Variants in GCFC2 observed in about 807,000 individuals in gnomAD.
The protein encoded by GCFC2 is intron Large complex component GCFC2.
In GCFC2, 102 loss-of-function variants were observed where a neutral mutation model predicts 99.4. The ratio of observed to expected loss-of-function variants is 1.03; its 90% CI spans 0.87 to 1.21. GCFC2 has a LOEUF of 1.21. GCFC2 is among the 50% of genes most tolerant of loss of function. The pLI, the probability that GCFC2 is intolerant of heterozygous loss-of-function variation, is 0.00. For synonymous variants in GCFC2, 338 were observed against 316.8 expected, an observed-to-expected ratio of 1.07 and a Z score of -0.71; for missense variants, 973 against 920.9, an observed-to-expected ratio of 1.06 and a Z score of -0.73.
At chr2:75,696,392 C>G (rs1461858993) in intron 4 of GCFC2, 77 bp from the exon 5 acceptor site, 3 of 678,822 alleles carry the variant, frequency 4.4e-6, no homozygotes, top group Non-Finnish European at 8.0e-6. Flanking sequence ...TGTAAAGGGA[C>G]TGGATGATCC....
chr2:75,711,244 T>TAAAAG, upstream of GCFC2: 1 of 984,342 alleles, frequency 1.0e-6, no homozygotes, highest in Non-Finnish European at 1.2e-6. Flanking sequence ...CGTTGTCTTT[T>TAAAAG]ACTTTCTGGA....
At chr2:75,677,442 G>GATT (rs1332505272) in intron 12 of GCFC2, among the ~76,000 whole-genome samples, 1 of 152,154 alleles carries the variant, frequency 6.6e-6, no homozygotes, top group East Asian at 1.9e-4. Context: ...CCATCCCTAG[G>GATT]GAATACCTGA....
chr2:75,712,577 G>C (rs974929798), upstream of GCFC2, among the ~76,000 whole-genome samples: 2 of 152,106 alleles, frequency 1.3e-5, no homozygotes, highest in African/African-American at 4.8e-5. Context: ...AACCCGCTCC[G>C]GTCCCCTTCC....
chr2:75,681,015 G>T lies in GCFC2; in HGVS notation c.1691-701C>A, dbSNP rs537334530. Reference sequence around the variant, plus strand: ...GCCTTTTGGCTTAGTCTAAGATCCTGTTCCCAGAACACTGTCCTTCCACTT... The same window carrying T: ...GCCTTTTGGCTTAGTCTAAGATCCTTTTCCCAGAACACTGTCCTTCCACTT... On this transcript the variant is annotated intron_variant, in intron 11 of 16. Transcript: ENST00000321027. Among the ~76,000 whole-genome samples the T allele has an allele frequency of 9.5e-4, 145 of 152,296 alleles. 1 individual carries two copies. The South Asian group carries it at 0.03, about 31-fold the overall frequency.
chr2:75,690,700 T>A lies in GCFC2; in HGVS notation c.1164A>T (p.Thr388=). 1 of 1,550,874 alleles carries A rather than the reference T, an allele frequency of 6.4e-7. No homozygotes were observed. The highest frequency in any genetic ancestry group is 8.9e-7 in the Non-Finnish European group (1 of 1,128,704). Residue 388 remains threonine, a synonymous_variant, in exon 8 of 17, where the codon ACA becomes ACT. Coordinates refer to ENST00000321027, the MANE Select transcript of GCFC2 (RefSeq NM_003203.5). ...QQLSRKDETS[T]SGNFSVDEKT... is the part of the protein sequence containing the mutation. ...TTTCATCTACTGAGAAGTTTCCACT[T>A]GTGGATGTCTCATCTTTGCCTGTTA...
upstream of GCFC2, among the ~76,000 whole-genome samples, chr2:75,712,481 A>G (rs1257965897): frequency 6.6e-6 from 1 of 152,162 alleles, no homozygotes; most frequent in Non-Finnish European, 1.5e-5. Flanking sequence ...GCCCTGTCAA[A>G]ACAGGCCGCT....
chr2:75,665,375 A>C (rs1266571537), intron 16 of GCFC2, among the ~76,000 whole-genome samples: 10 of 152,120 alleles, frequency 6.6e-5, no homozygotes. Flanking sequence ...GCTGTTCTCA[A>C]ACTCCTGGGC....
intron 5 of GCFC2, 129 bp downstream of exon 5, chr2:75,696,071 C>A (rs1680307532): frequency 2.0e-6 from 1 of 497,194 alleles, no homozygotes; most frequent in Non-Finnish European, 3.7e-6. Flanking sequence ...TATGATAACA[C>A]AGGAGATCCT....
At chr2:75,684,942 C>T (rs1055257303) in intron 11 of GCFC2, among the ~76,000 whole-genome samples, 1 of 152,156 alleles carries the variant, frequency 6.6e-6, no homozygotes, top group Non-Finnish European at 1.5e-5. Context: ...AACCATCATT[C>T]TCAGCAAACT....
At chr2:75,699,747 A>G (rs542927189) in intron 4 of GCFC2, among the ~76,000 whole-genome samples, 2 of 149,770 alleles carry the variant, frequency 1.3e-5, no homozygotes, top group Non-Finnish European at 3.0e-5. Context: ...GGCTAGTTTT[A>G]TTTGTTTTTA....
rs780460875 is a variant in GCFC2, at chr2:75,680,243, T to A, written c.1762A>T (p.Ile588Phe). ...TTSLITHCRVILEEHSTCENE... is the reference protein window; with the variant it reads ...TTSLITHCRVFLEEHSTCENE... ...TCACAAGTGGAATGTTCTTCAAGAA[T>A]CACTCTGCAATGTGTTATTAAACTT... Residue 588 changes from isoleucine (I) to phenylalanine (F), a missense_variant, in exon 12 of 17, where the codon ATT (isoleucine) becomes TTT (phenylalanine). By Grantham distance (21) the Ile-to-Phe change is conservative (BLOSUM62 0). Transcript: ENST00000321027. 1.2e-6 allele frequency: 2 copies of A among 1,604,664 alleles called. No individual in the cohort carries two copies. The highest frequency in any genetic ancestry group is 2.7e-5 in the African/African-American group (2 of 74,656).
chr2:75,713,080 G>T (rs1214299126), upstream of GCFC2, among the ~76,000 whole-genome samples: 4 of 152,108 alleles, frequency 2.6e-5, no homozygotes, highest in South Asian at 8.3e-4. Flanking sequence ...TCTTGGCTTT[G>T]TCTTTTTTTC....
At chr2:75,680,351 C>G in intron 11 of GCFC2, 37 bp from the exon 12 acceptor site, 1 of 1,557,486 alleles carries the variant, frequency 6.4e-7, no homozygotes, top group Non-Finnish European at 8.8e-7. Context: ...AATGTATTTA[C>G]TAGATTGTTT....
Position 75,666,025 on chromosome 2 carries a change from A to G in GCFC2, c.2132T>C (p.Phe711Ser), listed in dbSNP as rs756136177. The change falls in exon 16 of 17, where the codon TTT (phenylalanine) becomes TCT (serine). Residue 711 changes from phenylalanine to serine, a missense_variant. Physicochemically the swap from Phe to Ser is radical, Grantham distance 155. Coordinates refer to ENST00000321027, the MANE Select transcript of GCFC2 (RefSeq NM_003203.5). ...QVAACLPEKW[F>S]ENSAMRTSIP... is the part of the protein sequence containing the mutation. ...AGATGTCCTCATGGCAGAATTTTCA[A>G]ACCATTTTTCTGGTAGACATGCTGC... 6.2e-7 allele frequency: 1 copy of G among 1,608,100 alleles called. No homozygotes were observed. The highest frequency in any genetic ancestry group is 1.3e-5 in the African/African-American group (1 of 74,872).
chr2:75,701,943 A>G lies in GCFC2; in HGVS notation c.619+256T>C, dbSNP rs1292291908. On this transcript the variant is annotated intron_variant, in intron 3 of 16. Coordinates refer to ENST00000321027, the MANE Select transcript of GCFC2 (RefSeq NM_003203.5). ...ATGCTTTGAAAGTAAGATACTGCAC[A>G]TTTTTTTTAACCTGTCCAAAAACAT... The G allele has an allele frequency of 2.4e-6, 3 of 1,232,392 alleles. No homozygotes were observed. The East Asian group carries it at 1.1e-4, about 44-fold the overall frequency. The allele number at this position is 1,232,392 out of a possible 1,614,324, so 76.3% of individuals were successfully genotyped here.
At chr2:75,667,743 C>T (rs560710778) in intron 15 of GCFC2, among the ~76,000 whole-genome samples, 1 of 152,292 alleles carries the variant, frequency 6.6e-6, no homozygotes, top group East Asian at 1.9e-4. Flanking sequence ...TTTTCTTGGC[C>T]TGGTTTTCTA....
chr2:75,697,172 G>A (rs758563543), intron 4 of GCFC2, among the ~76,000 whole-genome samples: 2 of 152,140 alleles, frequency 1.3e-5, no homozygotes, highest in African/African-American at 2.4e-5. Context: ...TCACATTAGT[G>A]TCCTCTGTCT....
intron 11 of GCFC2, among the ~76,000 whole-genome samples, chr2:75,680,959 C>A (rs1679547844): frequency 1.3e-5 from 2 of 152,152 alleles, no homozygotes; most frequent in South Asian, 4.1e-4. Flanking sequence ...CCACTTCAGG[C>A]AAACTGTTTA....
intron 2 of GCFC2, among the ~76,000 whole-genome samples, chr2:75,704,375 T>C (rs1016625855): frequency 2.0e-5 from 3 of 152,230 alleles, no homozygotes; most frequent in African/African-American, 4.8e-5. Flanking sequence ...CATTCCTCCA[T>C]CTTTTCTTCG....
Sources: allele counts gnomAD v4.1 joint callset (sites outside exome capture counted in the v4.1 genomes callset), GRCh38; gene constraint gnomAD v4.1.1; transcripts MANE v1.5; gene names NCBI Gene and HGNC (gene_info 2026-07-23, HGNC 2026-07-21).